CCDC3: variants seen among roughly 807,000 people sequenced by gnomAD.
CCDC3 encodes coiled-coil domain containing 3, also known as coiled-coil domain-containing protein 3.
A neutral mutation model predicts 21.4 loss-of-function variants in CCDC3; 24 were observed. The observed-to-expected ratio is 1.12, with a 90% CI of 0.81 to 1.58. The LOEUF (loss-of-function observed/expected upper bound fraction) is 1.58. Among genes scored for constraint, CCDC3 ranks in the 40% most tolerant of loss-of-function variants. The probability of loss-of-function intolerance (pLI) is 0.00; values close to 1 mark genes in which losing one functional copy is unlikely to be tolerated. For synonymous variants in CCDC3, 186 were observed against 166.0 expected, an observed-to-expected ratio of 1.12 and a Z score of -0.93; for missense variants, 425 against 360.9, an observed-to-expected ratio of 1.18 and a Z score of -1.44.
At chr10:13,078,395 CTT>C (rs1385966769) in intron 3 of CCDC3, among the ~76,000 whole-genome samples, 2 of 152,192 alleles carry the variant, frequency 1.3e-5, no homozygotes, top group Non-Finnish European at 2.9e-5. Flanking sequence ...AATAGGAACA[CTT>C]TTATACTGTT....
intron 2 of CCDC3, among the ~76,000 whole-genome samples, chr10:12,932,220 G>C (rs983956075): frequency 6.6e-6 from 1 of 152,162 alleles, no homozygotes; most frequent in Non-Finnish European, 1.5e-5. Context: ...AATTCAAATT[G>C]TTCCTTGTAA....
At chr10:12,968,012 T>C (rs1176429503) in intron 2 of CCDC3, among the ~76,000 whole-genome samples, 2 of 151,672 alleles carry the variant, frequency 1.3e-5, no homozygotes, top group East Asian at 1.9e-4. Context: ...CTACTAAAAA[T>C]ACAAAAATTA....
chr10:13,030,726 C>G (rs553384759), intron 5 of CCDC3, among the ~76,000 whole-genome samples: 1 of 151,876 alleles, frequency 6.6e-6, no homozygotes, highest in African/African-American at 2.4e-5. Context: ...TTTAAACCAA[C>G]AAAGATCAAA....
At chr10:12,937,513 A>G (rs1167290179) in intron 2 of CCDC3, among the ~76,000 whole-genome samples, 2 of 152,076 alleles carry the variant, frequency 1.3e-5, no homozygotes, top group African/African-American at 4.8e-5. Flanking sequence ...CCCAAGCTGG[A>G]GGGCAGGGGC....
intron 3 of CCDC3, among the ~76,000 whole-genome samples, chr10:13,094,242 AGATGATGATGATGAT>A (rs71386151): frequency 5.1e-4 from 75 of 146,856 alleles, no homozygotes; most frequent in South Asian, 2.5e-3. Flanking sequence ...TTACTTTTCA[AGATGATGATGATGAT>A]GATGATGATG....
At chr10:12,950,440 G>T (rs1834990359) in intron 2 of CCDC3, among the ~76,000 whole-genome samples, 2 of 152,138 alleles carry the variant, frequency 1.3e-5, no homozygotes, top group Non-Finnish European at 1.5e-5. Flanking sequence ...CATCTGCTGG[G>T]ATTAAAAAGC....
intron 2 of CCDC3, among the ~76,000 whole-genome samples, chr10:12,948,856 C>A (rs377344861): frequency 6.6e-6 from 1 of 150,464 alleles, no homozygotes; most frequent in Non-Finnish European, 1.5e-5. Context: ...CTCAGCCTCC[C>A]GAGTAGCTGG....
chr10:13,010,902 C>T (rs1835975999), intron 5 of CCDC3, among the ~76,000 whole-genome samples: 1 of 152,192 alleles, frequency 6.6e-6, no homozygotes, highest in Non-Finnish European at 1.5e-5. Context: ...TCACAAAGGG[C>T]CGGGCACAGC....
intron 2 of CCDC3, among the ~76,000 whole-genome samples, chr10:12,963,782 A>G (rs528758427): frequency 6.6e-6 from 1 of 151,910 alleles, no homozygotes; most frequent in African/African-American, 2.4e-5. Context: ...GGGTTTCACC[A>G]TGTTGTTCTG....
chr10:12,958,203 TAAACAAAC>T (rs747850737), intron 2 of CCDC3, among the ~76,000 whole-genome samples: 1 of 151,790 alleles, frequency 6.6e-6, no homozygotes, highest in Admixed American at 6.6e-5. Flanking sequence ...AATACAAAAG[TAAACAAAC>T]AAACAAACAA....
At chr10:13,002,561 T>A (rs1176485733), upstream of CCDC3, among the ~76,000 whole-genome samples, 2 of 152,036 alleles carry the variant, frequency 1.3e-5, no homozygotes, top group Non-Finnish European at 1.5e-5. Flanking sequence ...TAATTTTTTG[T>A]TTTTAGTAGA....
At chr10:12,977,813 G>T (rs1386940147) in intron 2 of CCDC3, among the ~76,000 whole-genome samples, 1 of 152,100 alleles carries the variant, frequency 6.6e-6, no homozygotes, top group Non-Finnish European at 1.5e-5. Flanking sequence ...CATTTAAAAG[G>T]TAAGAATCAT....
At position 12,916,270 on chromosome 10, in the gene CCDC3, A is replaced by G. The variant is rs572976373; in HGVS notation, c.550-17591T>C. Among the ~76,000 whole-genome samples the G allele has an allele frequency of 1.3e-4, 20 of 152,230 alleles. No individual in the cohort carries two copies. In the East Asian group the frequency reaches 3.1e-3, roughly 24 times the overall value. The stretch of plus-strand genomic sequence containing the variant: ...AACATGGTGAAACCCCGTCTCTACT[A>G]CAAATACAAAAATTAGCTGGGCATG... On this transcript the variant is annotated intron_variant, in intron 2 of 2. Coordinates refer to ENST00000378825, the MANE Select transcript of CCDC3 (RefSeq NM_031455.4).
chr10:12,960,679 G>C (rs1282855577), intron 2 of CCDC3, among the ~76,000 whole-genome samples: 1 of 152,178 alleles, frequency 6.6e-6, no homozygotes, highest in Non-Finnish European at 1.5e-5. Flanking sequence ...CGAGAAATGT[G>C]GAAGATGGCC....
intron 5 of CCDC3, among the ~76,000 whole-genome samples, chr10:13,028,116 G>C (rs1323490792): frequency 6.6e-6 from 1 of 152,176 alleles, no homozygotes; most frequent in African/African-American, 2.4e-5. Flanking sequence ...ATCTCGTCTT[G>C]AATTACAGCT....
intron 2 of CCDC3, among the ~76,000 whole-genome samples, chr10:12,991,861 C>A (rs1362797580): frequency 6.6e-6 from 1 of 152,136 alleles, no homozygotes; most frequent in Non-Finnish European, 1.5e-5. Flanking sequence ...AGCTGTGCAG[C>A]AAAAACTCCA....
At chr10:13,071,576 A>C (rs1261708636) in intron 4 of CCDC3, among the ~76,000 whole-genome samples, 2 of 152,186 alleles carry the variant, frequency 1.3e-5, no homozygotes, top group African/African-American at 4.8e-5. Context: ...GGATATTCCC[A>C]TCCCTTAGGC....
intron 2 of CCDC3, among the ~76,000 whole-genome samples, chr10:12,990,278 A>T (rs1270630849): frequency 6.6e-6 from 1 of 151,988 alleles, no homozygotes; most frequent in African/African-American, 2.4e-5. Context: ...AAAAAAAAAA[A>T]AAGAATGTCT....
chr10:13,041,504 A>ATTATT (rs1836453858), intron 5 of CCDC3, among the ~76,000 whole-genome samples: 1 of 62,086 alleles, frequency 1.6e-5, no homozygotes, highest in African/African-American at 8.2e-5. Context: ...CTGGCAGATA[A>ATTATT]TTTTTTTTTT....
Sources: allele counts gnomAD v4.1 joint callset (sites outside exome capture counted in the v4.1 genomes callset), GRCh38; gene constraint gnomAD v4.1.1; transcripts MANE v1.5; gene names NCBI Gene and HGNC (gene_info 2026-07-23, HGNC 2026-07-21).